Variants in AVEN observed in about 807,000 individuals in gnomAD.
AVEN encodes the protein apoptosis and caspase activation inhibitor.
In AVEN, 41 loss-of-function variants were observed where a neutral mutation model predicts 38.1. The observed-to-expected ratio is 1.08, with a 90% CI of 0.84 to 1.40. The LOEUF is 1.40. Among genes scored for constraint, AVEN ranks in the 40% most tolerant of loss-of-function variants. The probability of loss-of-function intolerance (pLI) is 0.00; values close to 1 mark genes in which losing one functional copy is unlikely to be tolerated. For missense variants in AVEN, 605 were observed against 438.8 expected (o/e 1.38, Z -3.38); for synonymous variants, 206 against 171.8 (o/e 1.20, Z -1.56).
chr15:33,983,174 A>ATGTGTGTGTG (rs1239346672), intron 2 of AVEN, among the ~76,000 whole-genome samples: 6 of 99,622 alleles, frequency 6.0e-5, no homozygotes, highest in African/African-American at 3.1e-4. Flanking sequence ...GTGTGTGTAT[A>ATGTGTGTGTG]TATACACACG....
At chr15:33,901,250 G>C (rs1200331696) in intron 2 of AVEN, among the ~76,000 whole-genome samples, 2 of 152,184 alleles carry the variant, frequency 1.3e-5, no homozygotes, top group African/African-American at 2.4e-5. Flanking sequence ...CTGGGCGACA[G>C]AGCAAGACTC....
downstream of AVEN, among the ~76,000 whole-genome samples, chr15:33,862,272 G>A (rs565408532): frequency 9.2e-5 from 14 of 152,290 alleles, no homozygotes; most frequent in South Asian, 2.7e-3. Context: ...GAGTGCAGTG[G>A]TATGATCTTG....
chr15:33,997,288 T>G (rs898168736), intron 2 of AVEN, among the ~76,000 whole-genome samples: 1 of 152,222 alleles, frequency 6.6e-6, no homozygotes, highest in East Asian at 1.9e-4. Context: ...TATCAAAAGA[T>G]AAGTATCAAG....
At chr15:33,868,225 A>G (rs1177732965) in intron 4 of AVEN, among the ~76,000 whole-genome samples, 2 of 152,142 alleles carry the variant, frequency 1.3e-5, no homozygotes, top group Non-Finnish European at 1.5e-5. Context: ...AACATCTATA[A>G]AAAGTCACCA....
intron 2 of AVEN, among the ~76,000 whole-genome samples, chr15:33,953,536 G>A (rs2140454897): frequency 6.6e-6 from 1 of 152,240 alleles, no homozygotes; most frequent in South Asian, 2.1e-4. Flanking sequence ...CAAGCAATGG[G>A]GAAAGGATTC....
Position 33,986,718 on chromosome 15 carries a change from G to A in AVEN, c.445+16314C>T, listed in dbSNP as rs148131373. ...GTCACCTAGGCTTGAATGCAGTGGCGCAATCTTGGCTCACTGCAACCTCCG... is the reference window on the plus strand; with the variant it reads ...GTCACCTAGGCTTGAATGCAGTGGCACAATCTTGGCTCACTGCAACCTCCG... On this transcript the variant is annotated intron_variant, in intron 2 of 5. Transcript: ENST00000306730. 1.1e-4 allele frequency among the ~76,000 whole-genome samples: 17 copies of A among 151,948 alleles called. No individual in the cohort carries two copies. In the East Asian group the frequency reaches 2.5e-3, roughly 23 times the overall value.
At chr15:33,975,660 G>A (rs1316980074) in intron 2 of AVEN, among the ~76,000 whole-genome samples, 1 of 152,084 alleles carries the variant, frequency 6.6e-6, no homozygotes. Context: ...AGCTGGGCAC[G>A]GTGGCTCACG....
At chr15:34,050,827 A>T (rs535622091) in intron 5 of AVEN, among the ~76,000 whole-genome samples, 1 of 152,334 alleles carries the variant, frequency 6.6e-6, no homozygotes, top group Non-Finnish European at 1.5e-5. Context: ...TGCACCCAAT[A>T]CAGGAGCACC....
intron 2 of AVEN, among the ~76,000 whole-genome samples, chr15:33,915,982 G>A (rs1057171375): frequency 2.0e-5 from 3 of 152,076 alleles, no homozygotes; most frequent in Non-Finnish European, 2.9e-5. Context: ...CCACTGGCCT[G>A]AGAGCCACAC....
intron 1 of AVEN, among the ~76,000 whole-genome samples, chr15:34,019,752 A>G (rs989897040): frequency 7.2e-5 from 11 of 152,242 alleles, no homozygotes; most frequent in African/African-American, 2.7e-4. Context: ...GCAATATGTT[A>G]TACCATACCG....
chr15:34,008,950 G>GCACACACACA (rs1491109996), intron 1 of AVEN, among the ~76,000 whole-genome samples: 1 of 23,504 alleles, frequency 4.3e-5, no homozygotes, highest in Non-Finnish European at 3.8e-4. Flanking sequence ...ACACGTGCGC[G>GCACACACACA]CGCGCACACA....
At chr15:33,872,562 G>A (rs1001655418) in intron 3 of AVEN, among the ~76,000 whole-genome samples, 9 of 152,000 alleles carry the variant, frequency 5.9e-5, no homozygotes, top group Admixed American at 2.6e-4. Flanking sequence ...GGGGGGAGCC[G>A]GGAATCTGTG....
chr15:34,022,722 C>A (rs8026782), intron 1 of AVEN, among the ~76,000 whole-genome samples: 19,527 of 152,214 alleles, frequency 0.13, 1,647 homozygotes, highest in African/African-American at 0.23. Context: ...TCCAAGGATT[C>A]TGCCCACTGT....
chr15:33,925,977 C>T (rs763244932), intron 2 of AVEN, among the ~76,000 whole-genome samples: 12 of 151,994 alleles, frequency 7.9e-5, no homozygotes, highest in South Asian at 2.1e-4. Flanking sequence ...AGGTATTGGG[C>T]GATATCCTTG....
At chr15:34,072,416 G>T (rs1367147085) in intron 1 of AVEN, among the ~76,000 whole-genome samples, 1 of 151,726 alleles carries the variant, frequency 6.6e-6, no homozygotes, top group Non-Finnish European at 1.5e-5. Context: ...TTCGAGACCA[G>T]ACTAACCAAC....
chr15:33,874,681 G>C (rs1234825181), intron 3 of AVEN, among the ~76,000 whole-genome samples: 2 of 152,206 alleles, frequency 1.3e-5, no homozygotes, highest in Admixed American at 6.5e-5. Context: ...GCCCAGGTAA[G>C]GGGCTTAGAG....
chr15:34,038,704 G>A, intron 1 of AVEN, 76 bp downstream of exon 1: 1 of 1,103,188 alleles, frequency 9.1e-7, no homozygotes, highest in East Asian at 4.8e-5. Flanking sequence ...GCTCTCTTGC[G>A]GCTCTTGACT....
intron 2 of AVEN, among the ~76,000 whole-genome samples, chr15:33,904,708 T>TAC (rs568492308): frequency 0.018 from 2,015 of 115,036 alleles, 27 homozygotes; most frequent in Middle Eastern, 0.059. Flanking sequence ...TATATATATA[T>TAC]ATATATATAC....
intron 1 of AVEN, among the ~76,000 whole-genome samples, chr15:34,026,533 C>T (rs1898479929): frequency 6.6e-6 from 1 of 152,064 alleles, no homozygotes; most frequent in Non-Finnish European, 1.5e-5. Context: ...GTGTCAATCA[C>T]ATATAAGCTG....
Sources: gnomAD v4.1 joint callset for allele counts (sites outside exome capture counted in the v4.1 genomes callset) on GRCh38, gnomAD v4.1.1 for gene constraint, MANE v1.5 for transcripts, NCBI Gene and HGNC (gene_info 2026-07-23, HGNC 2026-07-21) for gene names.